Variants in RPH3AL observed in about 807,000 individuals in gnomAD.
RPH3AL encodes the protein rab effector Noc2.
RPH3AL carries 38 observed loss-of-function variants against 43.1 expected under a neutral mutation model. That is an observed-to-expected ratio of 0.88 (90% CI 0.68 to 1.15). RPH3AL has a LOEUF of 1.15. Among genes scored for constraint, RPH3AL ranks in the 50% most tolerant of loss-of-function variants. The pLI is 0.00. For synonymous variants in RPH3AL, 189 were observed against 176.3 expected (o/e 1.07, Z -0.57); for missense variants, 462 against 423.2 (o/e 1.09, Z -0.81).
chr17:327,504 C>T lies in RPH3AL; in HGVS notation c.40G>A (p.Val14Ile), dbSNP rs758209050. Residue 14 changes from valine to isoleucine, a missense_variant, in exon 3 of 10, where the codon GTT (valine) becomes ATT (isoleucine). By Grantham distance (29) the Val-to-Ile change is conservative. Transcript: ENST00000331302. The part of the protein sequence containing the change: ...TIFGSGNDQW[V>I]CPNDRQLALR... ...GCAAGCTGCCGGTCATTGGGGCAAA[C>T]CCACTGATCATTCCCGCTGCCGAAG... 3.1e-6 allele frequency: 5 copies of T among 1,613,978 alleles called. No homozygotes were observed. The Admixed American group carries it at 8.3e-5, about 27-fold the overall frequency.
chr17:263,359 C>T (rs2042245457), intron 6 of RPH3AL, among the ~76,000 whole-genome samples: 1 of 152,150 alleles, frequency 6.6e-6, no homozygotes, highest in African/African-American at 2.4e-5. Flanking sequence ...TCCAAGCTGG[C>T]CAGCTCCTCA....
intron 3 of RPH3AL, among the ~76,000 whole-genome samples, chr17:325,404 G>A (rs1423550106): frequency 1.3e-5 from 2 of 152,078 alleles, no homozygotes; most frequent in Non-Finnish European, 2.9e-5. Flanking sequence ...CTTCCACACT[G>A]TCCACCCTTC....
chr17:347,445 G>A (rs928207083), intron 1 of RPH3AL, among the ~76,000 whole-genome samples: 3 of 152,132 alleles, frequency 2.0e-5, no homozygotes, highest in African/African-American at 7.2e-5. Context: ...TTAGCCAGGC[G>A]TGAGGGCACA....
chr17:307,317 GGCAGGTCCTCCCCA>G (rs2043523525), intron 5 of RPH3AL, among the ~76,000 whole-genome samples: 9 of 136,234 alleles, frequency 6.6e-5, no homozygotes, highest in Non-Finnish European at 9.5e-5. Flanking sequence ...TCCTCCCCAC[GGCAGGTCCTCCCCA>G]CGGCAGGTCC....
chr17:241,098 A>AATAATC (rs763128192), intron 7 of RPH3AL, among the ~76,000 whole-genome samples: 2,777 of 94,062 alleles, frequency 0.03, 36 homozygotes, highest in Non-Finnish European at 0.043. Flanking sequence ...TAATAATAAT[A>AATAATC]ATCTTGTTGG....
chr17:230,057 G>A (rs1466876341), intron 7 of RPH3AL, among the ~76,000 whole-genome samples: 1 of 152,168 alleles, frequency 6.6e-6, no homozygotes, highest in Non-Finnish European at 1.5e-5. Flanking sequence ...GGGGAGCGCT[G>A]CTTCCTTGGT....
rs78335166 is a variant in RPH3AL, at chr17:274,990, G to A, written c.438+6778C>T. Among the ~76,000 whole-genome samples, 818 of 152,336 alleles carry A rather than the reference G, an allele frequency of 5.4e-3. 4 individuals are homozygous for A. The highest frequency in any genetic ancestry group is 9.1e-3 in the Non-Finnish European group (616 of 68,038). On this transcript the variant is annotated intron_variant, in intron 6 of 9. Transcript: ENST00000331302. The surrounding 1 kb of genome is among the most constrained non-coding windows in gnomAD (Gnocchi z 4.7). ...CAGAATCGAAACTTACACCGGAGGGGAAAGAGCAGACGTGGTCACGGAGAA... is the reference window on the plus strand; with the variant it reads ...CAGAATCGAAACTTACACCGGAGGGAAAAGAGCAGACGTGGTCACGGAGAA...
chr17:262,911 C>A (rs1555546784), intron 6 of RPH3AL, among the ~76,000 whole-genome samples: 1 of 152,144 alleles, frequency 6.6e-6, no homozygotes, highest in East Asian at 1.9e-4. Context: ...GATGTGTTTT[C>A]CCCTCTCCTC....
At chr17:272,655 A>G (rs1238088006) in intron 6 of RPH3AL, among the ~76,000 whole-genome samples, 1 of 149,888 alleles carries the variant, frequency 6.7e-6, no homozygotes, top group Non-Finnish European at 1.5e-5. Flanking sequence ...ACCTAATGCT[A>G]AAATGACGAG....
At chr17:272,156 G>A (rs1396555180) in intron 6 of RPH3AL, among the ~76,000 whole-genome samples, 1 of 152,134 alleles carries the variant, frequency 6.6e-6, no homozygotes, top group Non-Finnish European at 1.5e-5. Flanking sequence ...ACACTGTTGG[G>A]GGAATGTAAA....
intron 5 of RPH3AL, among the ~76,000 whole-genome samples, chr17:316,130 C>G (rs1236430670): frequency 3.4e-5 from 5 of 149,082 alleles, no homozygotes; most frequent in African/African-American, 1.2e-4. Context: ...CTCCATTGAC[C>G]TGCAGTCCCT....
rs566048594 is a variant in RPH3AL, at chr17:328,377, A to T, written c.-36-798T>A. On this transcript the variant is annotated intron_variant, in intron 2 of 9. Coordinates refer to ENST00000331302, the MANE Select transcript of RPH3AL (RefSeq NM_006987.4). The surrounding 1 kb of genome is among the most constrained non-coding windows in gnomAD (Gnocchi z 4.2). The stretch of plus-strand genomic sequence containing the variant: ...GTATCTGAATCCCAGAGCAAGGAGG[A>T]GGGGCTCTCCTGAGCCATCCACACT... Among the ~76,000 whole-genome samples, 2 of 151,850 alleles carry T rather than the reference A, an allele frequency of 1.3e-5. No individual in the cohort carries two copies. The highest frequency in any genetic ancestry group is 4.2e-4 in the South Asian group (2 of 4,776).
intron 7 of RPH3AL, among the ~76,000 whole-genome samples, chr17:239,466 T>C (rs2041476992): frequency 6.6e-6 from 1 of 152,230 alleles, no homozygotes; most frequent in African/African-American, 2.4e-5. Flanking sequence ...ACCCTTTCTC[T>C]ACTCTTGTCT....
chr17:347,073 A>G (rs2151735553), intron 1 of RPH3AL, among the ~76,000 whole-genome samples: 1 of 134,640 alleles, frequency 7.4e-6, no homozygotes, highest in South Asian at 2.4e-4. Context: ...CCTGGCTAAC[A>G]TGGTGAAACC....
chr17:263,376 A>G (rs2042245670), intron 6 of RPH3AL, among the ~76,000 whole-genome samples: 3 of 152,204 alleles, frequency 2.0e-5, no homozygotes, highest in Admixed American at 2.0e-4. Context: ...CTCATCTTGC[A>G]TGGCCAGGAG....
At chr17:269,798 G>C (rs1256755763) in intron 6 of RPH3AL, among the ~76,000 whole-genome samples, 2 of 152,244 alleles carry the variant, frequency 1.3e-5, no homozygotes, top group African/African-American at 2.4e-5. Flanking sequence ...TGTGCTGAAA[G>C]AGTCAGCAGC....
chr17:333,704 A>T lies in RPH3AL; in HGVS notation c.-37+55T>A, dbSNP rs1466465891. 4 of 181,140 alleles carry T rather than the reference A, an allele frequency of 2.2e-5. No individual in the cohort carries two copies. Among genetic ancestry groups the T allele is most frequent in the African/African-American group, 9.4e-5 (4 of 42,778 alleles). The allele number at this position is 181,140 out of a possible 1,614,324, so 11.2% of individuals were successfully genotyped here. A position where few individuals can be genotyped will look rare whatever the true frequency, so the allele number is the denominator to read the frequency against. The stretch of plus-strand genomic sequence containing the variant: ...ATAAATCTCTGACGACTGCCTTAGG[A>T]TAAGTTCCCAAAAGGGAAATGAAGT... On this transcript the variant is annotated intron_variant, in intron 2 of 9. Coordinates refer to ENST00000331302, the MANE Select transcript of RPH3AL (RefSeq NM_006987.4). This position sits in a 1 kb window ranked among gnomAD's most constrained non-coding sequence, Gnocchi z 4.5.
chr17:277,129 T>G (rs181153809), intron 6 of RPH3AL, among the ~76,000 whole-genome samples: 1 of 152,158 alleles, frequency 6.6e-6, no homozygotes, highest in Non-Finnish European at 1.5e-5. Flanking sequence ...ATGCACACAG[T>G]AATAAGAGAA....
intron 6 of RPH3AL, among the ~76,000 whole-genome samples, chr17:273,156 G>T (rs796923503): frequency 0.016 from 59 of 3,804 alleles, 25 homozygotes; most frequent in East Asian, 0.061. Flanking sequence ...CGAGGGTGAT[G>T]TCAGGGTGAG....
Sources: allele counts gnomAD v4.1 joint callset (sites outside exome capture counted in the v4.1 genomes callset), GRCh38; gene constraint gnomAD v4.1.1; non-coding constraint Gnocchi (gnomAD v3.1); transcripts MANE v1.5; gene names NCBI Gene and HGNC (gene_info 2026-07-23, HGNC 2026-07-21).